TFDP2: variants seen among roughly 807,000 people sequenced by gnomAD.
The protein encoded by TFDP2 is transcription factor Dp-2.
In TFDP2, 17 loss-of-function variants were observed where a neutral mutation model predicts 59.3. The ratio of observed to expected loss-of-function variants is 0.29; its 90% CI spans 0.20 to 0.43. The LOEUF (loss-of-function observed/expected upper bound fraction) is 0.43. TFDP2 is among the 20% of genes least tolerant of loss of function. The pLI is 1.00. For synonymous variants in TFDP2, 180 were observed against 194.7 expected (o/e 0.92, Z 0.63); for missense variants, 391 against 528.8 (o/e 0.74, Z 2.56).
At chr3:141,964,750 T>G (rs75023974) in intron 9 of TFDP2, among the ~76,000 whole-genome samples, 2,625 of 152,280 alleles carry the variant, frequency 0.017, 47 homozygotes, top group Non-Finnish European at 0.025. Context: ...ATCTCTGCCC[T>G]CAAGCACAGC....
chr3:141,952,333 T>A lies in TFDP2; in HGVS notation c.*180A>T, dbSNP rs1214420458. ...GTTGGCCAGACTTTCATTCACACTA[T>A]GTTAACTTTCATCTCAATCATCTCA... On this transcript the variant is annotated 3_prime_UTR_variant, in exon 13 of 13. Coordinates refer to ENST00000489671, the MANE Select transcript of TFDP2 (RefSeq NM_001178139.2). 1 of 538,350 alleles carries A rather than the reference T, an allele frequency of 1.9e-6. No individual in the cohort carries two copies. The highest frequency in any genetic ancestry group is 3.5e-5 in the East Asian group (1 of 28,634). The allele number at this position is 538,350 out of a possible 1,614,324, so 33.3% of individuals were successfully genotyped here. A position where few individuals can be genotyped will look rare whatever the true frequency, so the allele number is the denominator to read the frequency against.
intron 3 of TFDP2, among the ~76,000 whole-genome samples, chr3:142,036,129 A>G (rs1946685513): frequency 6.6e-6 from 1 of 152,202 alleles, no homozygotes; most frequent in Non-Finnish European, 1.5e-5. Flanking sequence ...GAAAAAAAAT[A>G]AAGAAGATCA....
At chr3:141,962,940 G>A (rs1937531349) in intron 10 of TFDP2, among the ~76,000 whole-genome samples, 1 of 152,066 alleles carries the variant, frequency 6.6e-6, no homozygotes. Flanking sequence ...TTTTGTAACA[G>A]CAGCTAACAT....
intron 2 of TFDP2, among the ~76,000 whole-genome samples, chr3:142,097,682 C>T (rs2061202750): frequency 6.6e-6 from 1 of 152,144 alleles, no homozygotes; most frequent in African/African-American, 2.4e-5. Flanking sequence ...AAGACCCTGT[C>T]CCAAACTAAA....
Position 142,134,298 on chromosome 3 carries a change from G to A in TFDP2, c.-93+14885C>T, listed in dbSNP as rs1485782870. Among the ~76,000 whole-genome samples, 4 of 150,416 alleles carry A rather than the reference G, an allele frequency of 2.7e-5. No individual in the cohort carries two copies. The East Asian group carries it at 5.8e-4, about 22-fold the overall frequency. On this transcript the variant is annotated intron_variant, in intron 1 of 12. Transcript: ENST00000489671. The stretch of plus-strand genomic sequence containing the variant: ...CGAGAGGCAGAGGTTGCAGTGGGCC[G>A]AGACCGTGCCACTGCACTCCAGCCT...
intron 3 of TFDP2, among the ~76,000 whole-genome samples, chr3:142,076,270 G>A (rs1350103464): frequency 1.3e-5 from 2 of 151,748 alleles, no homozygotes; most frequent in Non-Finnish European, 2.9e-5. Flanking sequence ...GTTGTTATTT[G>A]CAATAGGTTT....
chr3:142,104,022 A>G (rs1156400640), intron 1 of TFDP2, among the ~76,000 whole-genome samples: 2 of 152,050 alleles, frequency 1.3e-5, no homozygotes, highest in Non-Finnish European at 2.9e-5. Context: ...TGCATTAGCT[A>G]TTTGTCCTGA....
intron 11 of TFDP2, among the ~76,000 whole-genome samples, chr3:141,959,314 G>A (rs1937074075): frequency 6.6e-6 from 1 of 151,976 alleles, no homozygotes. Flanking sequence ...TATCCACAGG[G>A]CACTAAGAGA....
chr3:142,149,160 C>T (rs928613549), intron 1 of TFDP2, 23 bp downstream of exon 1: 1 of 397,872 alleles, frequency 2.5e-6, no homozygotes, highest in Non-Finnish European at 4.4e-6. Context: ...CGCGCGGGCC[C>T]GCGCCCTCGC....
chr3:142,011,339 A>G (rs1221225882), intron 3 of TFDP2, among the ~76,000 whole-genome samples: 1 of 134,960 alleles, frequency 7.4e-6, no homozygotes, highest in East Asian at 2.2e-4. Flanking sequence ...CTATCGCAAG[A>G]ACAAAAAACC....
chr3:142,039,950 C>T (rs1446396457), intron 3 of TFDP2, among the ~76,000 whole-genome samples: 2 of 152,124 alleles, frequency 1.3e-5, no homozygotes, highest in African/African-American at 2.4e-5. Flanking sequence ...AATCCAAATC[C>T]ACCTCAACTC....
chr3:142,103,528 A>C (rs1385262785), intron 1 of TFDP2, among the ~76,000 whole-genome samples: 2 of 152,146 alleles, frequency 1.3e-5, no homozygotes, highest in Non-Finnish European at 2.9e-5. Context: ...TAAAAAATAC[A>C]CTAAAATATT....
chr3:141,975,946 T>A (rs1940577654), intron 7 of TFDP2, among the ~76,000 whole-genome samples: 1 of 151,778 alleles, frequency 6.6e-6, no homozygotes, highest in Admixed American at 6.6e-5. Flanking sequence ...AGTGGTGAGA[T>A]CTCAGCTCAC....
chr3:141,985,487 T>G (rs558713228), intron 6 of TFDP2, among the ~76,000 whole-genome samples: 2 of 119,650 alleles, frequency 1.7e-5, no homozygotes, highest in African/African-American at 3.4e-5. Context: ...GCCACTGCAC[T>G]CCAGCCTGGG....
chr3:141,965,425 A>C (rs1275774932), intron 9 of TFDP2, among the ~76,000 whole-genome samples: 1 of 151,480 alleles, frequency 6.6e-6, no homozygotes, highest in East Asian at 1.9e-4. Flanking sequence ...TGAGCCTAGG[A>C]GTTGGAGGAT....
intron 2 of TFDP2, among the ~76,000 whole-genome samples, chr3:142,100,018 T>G (rs1393686686): frequency 2.0e-5 from 3 of 152,166 alleles, no homozygotes; most frequent in African/African-American, 7.2e-5. Flanking sequence ...CAAATGATAA[T>G]GAAGCAAAAT....
At chr3:141,959,476 A>T (rs1937095121) in intron 11 of TFDP2, among the ~76,000 whole-genome samples, 198 bp downstream of exon 11, 1 of 152,206 alleles carries the variant, frequency 6.6e-6, no homozygotes, top group Non-Finnish European at 1.5e-5. Flanking sequence ...TGTGGTGTAT[A>T]GATGTAAGTT....
intron 3 of TFDP2, among the ~76,000 whole-genome samples, chr3:142,070,947 A>G (rs2060226380): frequency 6.6e-6 from 1 of 152,196 alleles, no homozygotes; most frequent in South Asian, 2.1e-4. Context: ...AGGGATGAAC[A>G]GGAATTAGCT....
intron 4 of TFDP2, chr3:142,000,227 C>A: frequency 1.4e-6 from 1 of 699,134 alleles, no homozygotes; most frequent in South Asian, 1.5e-5. Flanking sequence ...GGGTAATTTA[C>A]AAACCACAGA....
Sources: allele counts gnomAD v4.1 joint callset (sites outside exome capture counted in the v4.1 genomes callset), GRCh38; gene constraint gnomAD v4.1.1; transcripts MANE v1.5; gene names NCBI Gene and HGNC (gene_info 2026-07-23, HGNC 2026-07-21).